The following MYO3A variants were observed in gnomAD, a reference collection of about 807,000 sequenced individuals.
MYO3A encodes myosin-IIIa.
A neutral mutation model predicts 192.7 loss-of-function variants in MYO3A; 180 were observed. That is an observed-to-expected ratio of 0.93 (90% CI 0.83 to 1.06). The LOEUF is 1.06. Ranked by LOEUF, MYO3A falls within the 50% of genes least tolerant of loss-of-function variation. The pLI, the probability that MYO3A is intolerant of heterozygous loss-of-function variation, is 0.00. For synonymous variants in MYO3A, 628 were observed against 645.3 expected (o/e 0.97, Z 0.41); for missense variants, 1,896 against 1,905.0 (o/e 1.00, Z 0.09).
rs961534886 is a variant in MYO3A, at chr10:25,982,899, C to T, written c.304-13591C>T. On this transcript the variant is annotated intron_variant, in intron 4 of 34. Transcript: ENST00000642920. The stretch of plus-strand genomic sequence containing the variant: ...ACAAAACAAGATTCTTTAACACCGC[C>T]AAAAGATCATACCAGCACACGAGCA... Among the ~76,000 whole-genome samples the T allele has an allele frequency of 5.3e-5, 8 of 151,954 alleles. No homozygotes were observed. The South Asian group carries it at 1.2e-3, about 24-fold the overall frequency.
At chr10:25,955,080 T>C (rs1837455990) in intron 4 of MYO3A, 72 bp downstream of exon 4, 1 of 1,549,226 alleles carries the variant, frequency 6.5e-7, no homozygotes, top group African/African-American at 1.4e-5. Flanking sequence ...TTATACTATT[T>C]ATGTAACATT....
At chr10:26,035,536 C>G (rs1320685465) in intron 10 of MYO3A, among the ~76,000 whole-genome samples, 1 of 152,194 alleles carries the variant, frequency 6.6e-6, no homozygotes, top group Non-Finnish European at 1.5e-5. Flanking sequence ...CAGTTCCTGT[C>G]TTTATCATAC....
intron 20 of MYO3A, among the ~76,000 whole-genome samples, chr10:26,132,269 A>G (rs1246107819): frequency 6.6e-6 from 1 of 152,224 alleles, no homozygotes; most frequent in Admixed American, 6.5e-5. Context: ...CCTATCTCAT[A>G]TTAGAATCCC....
At chr10:26,189,929 G>A (rs923115473) in intron 31 of MYO3A, among the ~76,000 whole-genome samples, 3 of 152,096 alleles carry the variant, frequency 2.0e-5, no homozygotes, top group Admixed American at 6.6e-5. Flanking sequence ...TGGGCGCAGT[G>A]GCAAGCACCT....
chr10:26,121,661 G>T (rs1838866798), intron 18 of MYO3A, among the ~76,000 whole-genome samples: 1 of 152,174 alleles, frequency 6.6e-6, no homozygotes, highest in Non-Finnish European at 1.5e-5. Context: ...TGAGGCAGGA[G>T]AATCGCTTGA....
At chr10:25,974,411 T>A (rs1838852929) in intron 4 of MYO3A, among the ~76,000 whole-genome samples, 1 of 152,184 alleles carries the variant, frequency 6.6e-6, no homozygotes, top group African/African-American at 2.4e-5. Flanking sequence ...TCTCACTCTT[T>A]TCAAGAGTAC....
chr10:25,986,738 C>G (rs1425371749), intron 4 of MYO3A, among the ~76,000 whole-genome samples: 1 of 152,082 alleles, frequency 6.6e-6, no homozygotes, highest in Admixed American at 6.6e-5. Context: ...GAAACACAAC[C>G]GATGCTCATG....
At chr10:26,140,684 CAAA>C (rs531657966) in intron 20 of MYO3A, among the ~76,000 whole-genome samples, 8 of 68,792 alleles carry the variant, frequency 1.2e-4, no homozygotes, top group Non-Finnish European at 1.8e-4. Context: ...GACTCTGTCT[CAAA>C]AAAAAAAAAA....
chr10:26,097,299 T>A (rs1193302567), intron 17 of MYO3A, among the ~76,000 whole-genome samples: 1 of 152,210 alleles, frequency 6.6e-6, no homozygotes, highest in African/African-American at 2.4e-5. Flanking sequence ...GTGACTGGTT[T>A]CTCTCACTTA....
chr10:26,071,960 TTTAA>T (rs1213721333), intron 14 of MYO3A, among the ~76,000 whole-genome samples: 1 of 151,848 alleles, frequency 6.6e-6, no homozygotes, highest in Non-Finnish European at 1.5e-5. Flanking sequence ...AGGAAAGAGG[TTTAA>T]TTGACTCACA....
intron 20 of MYO3A, among the ~76,000 whole-genome samples, chr10:26,138,334 C>T (rs891993866): frequency 6.6e-6 from 1 of 152,142 alleles, no homozygotes; most frequent in Non-Finnish European, 1.5e-5. Context: ...GGCAGGTTCC[C>T]CCGATAGTTC....
chr10:26,053,801 G>T (rs1844150444), intron 10 of MYO3A, among the ~76,000 whole-genome samples: 1 of 151,570 alleles, frequency 6.6e-6, no homozygotes. Context: ...CTCCAGCCAA[G>T]GCAACAGTGT....
At chr10:25,982,086 C>T (rs1212203455) in intron 4 of MYO3A, among the ~76,000 whole-genome samples, 1 of 152,106 alleles carries the variant, frequency 6.6e-6, no homozygotes, top group East Asian at 1.9e-4. Flanking sequence ...GGACTGCAGG[C>T]TGTGTGGGAG....
intron 17 of MYO3A, among the ~76,000 whole-genome samples, chr10:26,098,042 A>G (rs921728970): frequency 1.3e-5 from 2 of 152,080 alleles, no homozygotes; most frequent in Non-Finnish European, 1.5e-5. Context: ...AACAGTGTAA[A>G]AGTGTTCCTA....
chr10:26,076,906 T>C (rs1835613671), intron 14 of MYO3A, among the ~76,000 whole-genome samples: 1 of 152,188 alleles, frequency 6.6e-6, no homozygotes, highest in Admixed American at 6.5e-5. Context: ...GGCCTTATAC[T>C]GTAGTTTGAA....
At chr10:26,164,327 T>C (rs1841625195) in intron 26 of MYO3A, among the ~76,000 whole-genome samples, 1 of 151,996 alleles carries the variant, frequency 6.6e-6, no homozygotes, top group African/African-American at 2.4e-5. Flanking sequence ...ATTGAAAATA[T>C]ACAGAAAAGG....
intron 4 of MYO3A, among the ~76,000 whole-genome samples, chr10:25,957,381 A>G (rs191391883): frequency 2.0e-5 from 3 of 152,190 alleles, no homozygotes; most frequent in Non-Finnish European, 2.9e-5. Context: ...GCCTTCCACC[A>G]TGATTGTGAG....
At chr10:25,943,183 A>G (rs923360090) in intron 2 of MYO3A, among the ~76,000 whole-genome samples, 3 of 152,030 alleles carry the variant, frequency 2.0e-5, no homozygotes. Context: ...ACCACTTGTT[A>G]ACAAGACTGT....
At chr10:25,971,299 A>G (rs1328488698) in intron 4 of MYO3A, among the ~76,000 whole-genome samples, 1 of 152,182 alleles carries the variant, frequency 6.6e-6, no homozygotes, top group Non-Finnish European at 1.5e-5. Context: ...TCACATTTCT[A>G]TATATTGTAG....
Sources: gnomAD v4.1 joint callset for allele counts (sites outside exome capture counted in the v4.1 genomes callset) on GRCh38, gnomAD v4.1.1 for gene constraint, MANE v1.5 for transcripts, NCBI Gene and HGNC (gene_info 2026-07-23, HGNC 2026-07-21) for gene names.